The following TET2 variants were observed in gnomAD, a reference collection of about 807,000 sequenced individuals.
TET2 encodes the protein tet methylcytosine dioxygenase 2.
In TET2, 299 loss-of-function variants were observed where a neutral mutation model predicts 142.9. That is an observed-to-expected ratio of 2.09 (90% CI 1.90 to 2.30). TET2 has a LOEUF of 2.30. TET2 is among the 30% of genes most tolerant of loss of function. The pLI is 0.00. For synonymous variants in TET2, 819 were observed against 849.0 expected, an observed-to-expected ratio of 0.96 and a Z score of 0.61; for missense variants, 2,418 against 2,378.0, an observed-to-expected ratio of 1.02 and a Z score of -0.35.
At chr4:105,221,587 G>T (rs1386541463) in intron 2 of TET2, among the ~76,000 whole-genome samples, 7 of 152,162 alleles carry the variant, frequency 4.6e-5, no homozygotes, top group African/African-American at 1.7e-4. Context: ...ATTAGGAGCA[G>T]TGCACACGCT....
chr4:105,270,510 C>G (rs143822247), intron 9 of TET2, among the ~76,000 whole-genome samples: 264 of 152,274 alleles, frequency 1.7e-3, no homozygotes, highest in East Asian at 6.9e-3. Flanking sequence ...ATTCACCTTA[C>G]AGAGAGAGAA....
chr4:105,176,835 C>T (rs1724826247), intron 1 of TET2, among the ~76,000 whole-genome samples: 1 of 152,228 alleles, frequency 6.6e-6, no homozygotes, highest in African/African-American at 2.4e-5. Flanking sequence ...ACAACAAAGT[C>T]AGAGGACTGA....
chr4:105,148,701 A>G (rs1246111385), intron 1 of TET2, among the ~76,000 whole-genome samples: 2 of 152,212 alleles, frequency 1.3e-5, no homozygotes, highest in African/African-American at 4.8e-5. Flanking sequence ...TAATGTTTGG[A>G]ATAGAATATA....
At chr4:105,149,739 A>T (rs566745991) in intron 1 of TET2, among the ~76,000 whole-genome samples, 1 of 152,224 alleles carries the variant, frequency 6.6e-6, no homozygotes, top group Non-Finnish European at 1.5e-5. Flanking sequence ...TTAAATTGTC[A>T]TATTTGCCAA....
intron 2 of TET2, among the ~76,000 whole-genome samples, chr4:105,217,973 C>T (rs956459164): frequency 5.9e-5 from 9 of 152,066 alleles, no homozygotes; most frequent in African/African-American, 2.2e-4. Context: ...CCAATTTTAT[C>T]TCTCCCGCAG....
rs919210925 is a variant in TET2 at position 105,242,631 on chromosome 4, T to C, written c.3501-203T>C. ...CAAAATAGTTCATTACAATTATCTG[T>C]ACATTTTGATATTGAGGAAAAACAA... On this transcript the variant is annotated intron_variant, in intron 4 of 10. Transcript: ENST00000380013. The C allele has an allele frequency of 4.5e-6, 6 of 1,335,878 alleles. No homozygotes were observed. In the African/African-American group the frequency reaches 7.6e-5, roughly 17 times the overall value. 82.8% of individuals were successfully genotyped at this position (1,335,878 alleles called of 1,614,324 possible).
chr4:105,159,952 C>T lies in TET2; in HGVS notation c.-193+12973C>T, dbSNP rs559965822. ...CCGGGAGGCGGAGGTTGCAGTGAGCCGAGATCGCGCCACTGCACTCCAGCC... is the reference window on the plus strand; with the variant it reads ...CCGGGAGGCGGAGGTTGCAGTGAGCTGAGATCGCGCCACTGCACTCCAGCC... On this transcript the variant is annotated intron_variant, in intron 1 of 10. Coordinates refer to ENST00000380013, the MANE Select transcript of TET2 (RefSeq NM_001127208.3). 1.6e-4 allele frequency among the ~76,000 whole-genome samples: 25 copies of T among 152,032 alleles called. No individual in the cohort carries two copies. The East Asian group carries it at 3.7e-3, about 22-fold the overall frequency.
intron 3 of TET2, chr4:105,238,996 G>A (rs1461646473): frequency 4.1e-6 from 1 of 242,450 alleles, no homozygotes; most frequent in African/African-American, 2.2e-5. Flanking sequence ...TTAATCTTGT[G>A]CATCTCCATC....
At chr4:105,148,406 C>A (rs1470913150) in intron 1 of TET2, among the ~76,000 whole-genome samples, 1 of 152,172 alleles carries the variant, frequency 6.6e-6, no homozygotes, top group Non-Finnish European at 1.5e-5. Context: ...GGAATACATT[C>A]ATGAATTTAA....
intron 1 of TET2, among the ~76,000 whole-genome samples, chr4:105,155,972 A>G (rs1212746651): frequency 2.0e-5 from 3 of 152,314 alleles, no homozygotes; most frequent in East Asian, 3.9e-4. Flanking sequence ...GGAAAGCAGT[A>G]AGATAGAATT....
At chr4:105,223,073 A>AT (rs1206157103) in intron 2 of TET2, among the ~76,000 whole-genome samples, 1 of 152,142 alleles carries the variant, frequency 6.6e-6, no homozygotes, top group Non-Finnish European at 1.5e-5. Context: ...CCATTGATCT[A>AT]TATCTCTGTT....
intron 2 of TET2, among the ~76,000 whole-genome samples, chr4:105,205,119 A>G (rs1262610648): frequency 1.3e-5 from 2 of 152,144 alleles, no homozygotes; most frequent in Non-Finnish European, 2.9e-5. Flanking sequence ...ACATATTACA[A>G]TTATTTTCAG....
rs2110254002 is a variant in TET2, at chr4:105,243,526, G to T, written c.3595-44G>T. ...CTGCAAGTGACCCTTGTTTTGTTTTGGTTGGGGTGGGGGGTGTTTGGGATG... is the reference window on the plus strand; with the variant it reads ...CTGCAAGTGACCCTTGTTTTGTTTTTGTTGGGGTGGGGGGTGTTTGGGATG... On this transcript the variant is annotated intron_variant, in intron 5 of 10. Transcript: ENST00000380013. 3 of 1,528,692 alleles carry T rather than the reference G, an allele frequency of 2.0e-6. No individual in the cohort carries two copies. In the South Asian group the frequency reaches 3.6e-5, roughly 18 times the overall value. 94.7% of individuals were successfully genotyped at this position (1,528,692 alleles called of 1,614,324 possible).
chr4:105,147,228 C>G (rs537066343), intron 1 of TET2, among the ~76,000 whole-genome samples: 2 of 152,386 alleles, frequency 1.3e-5, no homozygotes, highest in East Asian at 3.9e-4. Flanking sequence ...CCCCTCATCT[C>G]CCAGAAAACT....
chr4:105,225,868 A>G (rs1194432339), intron 2 of TET2, among the ~76,000 whole-genome samples: 1 of 152,206 alleles, frequency 6.6e-6, no homozygotes, highest in Non-Finnish European at 1.5e-5. Flanking sequence ...AATCATCAGC[A>G]GTCCAGCATT....
At chr4:105,215,777 A>G (rs1003456715) in intron 2 of TET2, among the ~76,000 whole-genome samples, 11 of 152,162 alleles carry the variant, frequency 7.2e-5, no homozygotes, top group Admixed American at 5.2e-4. Flanking sequence ...ACATTGAAAC[A>G]TGGGAAAGAG....
At chr4:105,163,617 C>G (rs767795793) in intron 1 of TET2, among the ~76,000 whole-genome samples, 1 of 152,140 alleles carries the variant, frequency 6.6e-6, no homozygotes, top group South Asian at 2.1e-4. Context: ...GGTGCTATTA[C>G]TCTCCTCACT....
At position 105,276,112 on chromosome 4, in the gene TET2, C is replaced by T. The variant is rs780808372; in HGVS notation, c.5602C>T (p.His1868Tyr). Reference sequence around the variant, plus strand: ...TGGGGGAGTGGCCGTGGCTCCAACTCATGGGTCAATTCTCATTGAGTGTGC... The same window carrying T: ...TGGGGGAGTGGCCGTGGCTCCAACTTATGGGTCAATTCTCATTGAGTGTGC... ...DIGGVAVAPT[H>Y]GSILIECAKR... Residue 1868 changes from histidine (H) to tyrosine (Y), a missense_variant, in exon 11 of 11, where the codon CAT becomes TAT. By Grantham distance (83) the His-to-Tyr change is moderately conservative. Transcript: ENST00000380013. 1.9e-6 allele frequency: 3 copies of T among 1,551,558 alleles called. No individual in the cohort carries two copies. The highest frequency in any genetic ancestry group is 2.6e-6 in the Non-Finnish European group (3 of 1,146,992).
intron 1 of TET2, among the ~76,000 whole-genome samples, chr4:105,168,565 T>G (rs1017820989): frequency 6.6e-6 from 1 of 152,152 alleles, no homozygotes; most frequent in African/African-American, 2.4e-5. Context: ...TTGCTTTATT[T>G]TCTCTCTTTT....
Sources: allele counts gnomAD v4.1 joint callset (sites outside exome capture counted in the v4.1 genomes callset), GRCh38; gene constraint gnomAD v4.1.1; transcripts MANE v1.5; gene names NCBI Gene and HGNC (gene_info 2026-07-23, HGNC 2026-07-21).